MFHAS1: variants seen among roughly 807,000 people sequenced by gnomAD.
MFHAS1 encodes multifunctional ROCO family signaling regulator 1, also known as malignant fibrous histiocytoma-amplified sequence 1.
MFHAS1 carries 50 observed loss-of-function variants against 70.4 expected under a neutral mutation model. That is an observed-to-expected ratio of 0.71 (90% CI 0.57 to 0.90). The LOEUF is 0.90. Among genes scored for constraint, MFHAS1 ranks in the 40% least tolerant of loss-of-function variants. The pLI is 0.00. For synonymous variants in MFHAS1, 952 were observed against 620.0 expected, an observed-to-expected ratio of 1.54 and a Z score of -7.96; for missense variants, 1,795 against 1,347.6, an observed-to-expected ratio of 1.33 and a Z score of -5.20.
intron 1 of MFHAS1, among the ~76,000 whole-genome samples, chr8:8,827,694 T>A (rs965658638): frequency 4.6e-5 from 7 of 152,238 alleles, no homozygotes; most frequent in African/African-American, 7.2e-5. Context: ...TTATGGAATT[T>A]TTGCCCAACA....
Position 8,854,897 on chromosome 8 carries a change from TG to T in MFHAS1, c.2998+35163del, listed in dbSNP as rs1386054839. On this transcript the variant is annotated intron_variant, in intron 1 of 2. Coordinates refer to ENST00000276282, the MANE Select transcript of MFHAS1 (RefSeq NM_004225.3). The stretch of plus-strand genomic sequence containing the variant: ...TCCTGTTTTTTTGGTTTTGGGTTTT[TG>T]GGGTTTTGTTTGTTTGTTTCTTTGT... Among the ~76,000 whole-genome samples the T allele has an allele frequency of 1.4e-4, 22 of 152,128 alleles. No individual in the cohort carries two copies. In the East Asian group the frequency reaches 4.1e-3, roughly 28 times the overall value.
At chr8:8,861,273 C>A (rs1336417944) in intron 1 of MFHAS1, among the ~76,000 whole-genome samples, 1 of 152,160 alleles carries the variant, frequency 6.6e-6, no homozygotes, top group Non-Finnish European at 1.5e-5. Context: ...CCAAGTCTTT[C>A]CAATGAATTA....
At chr8:8,878,219 G>T (rs1809370715) in intron 1 of MFHAS1, among the ~76,000 whole-genome samples, 1 of 152,150 alleles carries the variant, frequency 6.6e-6, no homozygotes, top group Non-Finnish European at 1.5e-5. Context: ...GAGGTGAGCT[G>T]GTGTACTCTG....
At position 8,784,051 on chromosome 8, in the gene MFHAS1, G is replaced by A. The variant is rs983331291; in HGVS notation, c.*1971C>T. On this transcript the variant is annotated 3_prime_UTR_variant, in exon 3 of 3. Coordinates refer to ENST00000276282, the MANE Select transcript of MFHAS1 (RefSeq NM_004225.3). The stretch of plus-strand genomic sequence containing the variant: ...ATTAAGAATGTGGGCGTTTATGTTC[G>A]TAACAGCAAATACTTTGTAGGGTGT... The A allele has an allele frequency of 8.5e-5, 13 of 152,120 alleles. No homozygotes were observed. Among genetic ancestry groups the A allele is most frequent in the African/African-American group, 2.9e-4 (12 of 41,416 alleles). 9.4% of individuals were successfully genotyped at this position (152,120 alleles called of 1,614,324 possible). A position where few individuals can be genotyped will look rare whatever the true frequency, so the allele number is the denominator to read the frequency against.
intron 1 of MFHAS1, among the ~76,000 whole-genome samples, chr8:8,878,939 T>C (rs1316604530): frequency 1.3e-5 from 2 of 152,346 alleles, no homozygotes; most frequent in African/African-American, 2.4e-5. Context: ...TATGATGATA[T>C]GCACTTTAAT....
At chr8:8,852,784 C>T (rs989521275) in intron 1 of MFHAS1, among the ~76,000 whole-genome samples, 1 of 152,186 alleles carries the variant, frequency 6.6e-6, no homozygotes, top group African/African-American at 2.4e-5. Flanking sequence ...ATGCAAAGCT[C>T]TAGCTTGGCT....
Position 8,892,263 on chromosome 8 carries a change from G to A in MFHAS1, c.796C>T (p.Pro266Ser), listed in dbSNP as rs757267079. 18 of 1,612,008 alleles carry A rather than the reference G, an allele frequency of 1.1e-5. No individual in the cohort carries two copies. Among genetic ancestry groups the A allele is most frequent in the Non-Finnish European group, 1.4e-5 (17 of 1,180,040 alleles). ...CGCTGCAGGCAGCTGAACTGGGCGG[G>A]CAGAGCCTGCAGCCCGTTGTTGTCT... ...MLDNNGLQAL[P>S]AQFSCLQRLK... is the part of the protein sequence containing the mutation. The change falls in exon 1 of 3, where the codon CCC becomes TCC. Residue 266 changes from proline to serine, a missense_variant. Physicochemically the swap from Pro to Ser is moderately conservative, Grantham distance 74. Coordinates refer to ENST00000276282, the MANE Select transcript of MFHAS1 (RefSeq NM_004225.3). The surrounding 1 kb of genome is among the most constrained non-coding windows in gnomAD (Gnocchi z 4.7).
At chr8:8,870,319 G>T (rs999619493) in intron 1 of MFHAS1, among the ~76,000 whole-genome samples, 9 of 148,666 alleles carry the variant, frequency 6.1e-5, no homozygotes, top group Non-Finnish European at 1.2e-4. Flanking sequence ...AAAAAAATTA[G>T]CCAGACATGG....
At chr8:8,823,579 T>C (rs1230632001) in intron 1 of MFHAS1, among the ~76,000 whole-genome samples, 1 of 152,040 alleles carries the variant, frequency 6.6e-6, no homozygotes, top group Non-Finnish European at 1.5e-5. Flanking sequence ...CTTAATTTTC[T>C]AGGCTTCATA....
chr8:8,806,910 G>A (rs1016599096), intron 1 of MFHAS1, among the ~76,000 whole-genome samples: 7 of 151,848 alleles, frequency 4.6e-5, no homozygotes, highest in African/African-American at 1.7e-4. Context: ...GCAGAGAGCC[G>A]AGATTGTGCC....
intron 1 of MFHAS1, among the ~76,000 whole-genome samples, chr8:8,873,601 G>T (rs879286973): frequency 1.3e-5 from 2 of 151,678 alleles, no homozygotes; most frequent in African/African-American, 2.4e-5. Flanking sequence ...TTCCCACTTG[G>T]TATGAGGATA....
chr8:8,892,733 A>G lies in MFHAS1; in HGVS notation c.326T>C (p.Leu109Pro), dbSNP rs1810123926. The G allele has an allele frequency of 1.2e-5, 15 of 1,254,772 alleles. No individual in the cohort carries two copies. The highest frequency in any genetic ancestry group is 2.2e-4 in the Middle Eastern group (1 of 4,468). The allele number at this position is 1,254,772 out of a possible 1,614,324, so 77.7% of individuals were successfully genotyped here. ...FARLPPAVAE[L>P]GHHLTELDVS... The stretch of plus-strand genomic sequence containing the variant: ...GTCCAGCTCGGTGAGGTGGTGGCCG[A>G]GCTCGGCCACCGCCGGGGGCAGCCG... Residue 109 changes from leucine to proline, a missense_variant, in exon 1 of 3, where the codon CTC becomes CCC. By Grantham distance (98) the Leu-to-Pro change is moderately conservative. Transcript: ENST00000276282. This position sits in a 1 kb window ranked among gnomAD's most constrained non-coding sequence, Gnocchi z 4.7.
chr8:8,831,786 T>C (rs1247483426), intron 1 of MFHAS1, among the ~76,000 whole-genome samples: 2 of 152,092 alleles, frequency 1.3e-5, no homozygotes, highest in Non-Finnish European at 2.9e-5. Flanking sequence ...CTTTTATATT[T>C]TTAGTAGAGA....
At chr8:8,872,515 T>A (rs1379883492) in intron 1 of MFHAS1, among the ~76,000 whole-genome samples, 1 of 152,214 alleles carries the variant, frequency 6.6e-6, no homozygotes, top group East Asian at 1.9e-4. Context: ...CAAGAAAATG[T>A]TATCAGCCCT....
chr8:8,804,497 T>G (rs1806216130), intron 1 of MFHAS1, among the ~76,000 whole-genome samples: 1 of 152,164 alleles, frequency 6.6e-6, no homozygotes, highest in Non-Finnish European at 1.5e-5. Flanking sequence ...AGTCACAGAG[T>G]ACAATCGGTA....
At chr8:8,827,769 T>G (rs78448127) in intron 1 of MFHAS1, among the ~76,000 whole-genome samples, 1 of 152,242 alleles carries the variant, frequency 6.6e-6, no homozygotes, top group Non-Finnish European at 1.5e-5. Context: ...TTACAGCTTC[T>G]GTGTTTTGTG....
At chr8:8,844,892 T>G (rs1422799955) in intron 1 of MFHAS1, among the ~76,000 whole-genome samples, 1 of 152,150 alleles carries the variant, frequency 6.6e-6, no homozygotes, top group Non-Finnish European at 1.5e-5. Flanking sequence ...AGTGAGGTTG[T>G]TGCTGTATTT....
At chr8:8,881,290 G>A (rs1480507516) in intron 1 of MFHAS1, among the ~76,000 whole-genome samples, 1 of 152,180 alleles carries the variant, frequency 6.6e-6, no homozygotes, top group Non-Finnish European at 1.5e-5. Context: ...TTTCCTTCTT[G>A]GTCTCCAGAA....
chr8:8,877,060 G>C (rs764304123), intron 1 of MFHAS1, among the ~76,000 whole-genome samples: 13 of 152,268 alleles, frequency 8.5e-5, no homozygotes, highest in Admixed American at 1.3e-4. Flanking sequence ...AGCACTTTGA[G>C]AGGCCAAGGT....
Sources: allele counts gnomAD v4.1 joint callset (sites outside exome capture counted in the v4.1 genomes callset), GRCh38; gene constraint gnomAD v4.1.1; non-coding constraint Gnocchi (gnomAD v3.1); transcripts MANE v1.5; gene names NCBI Gene and HGNC (gene_info 2026-07-23, HGNC 2026-07-21).